The following COL22A1 variants were observed in gnomAD, a reference collection of about 807,000 sequenced individuals.
The protein encoded by COL22A1 is collagen type XXII alpha 1 chain, also known as collagen alpha-1(XXII) chain.
In COL22A1, 221 loss-of-function variants were observed where a neutral mutation model predicts 248.9. That is an observed-to-expected ratio of 0.89 (90% confidence interval 0.80 to 0.99). COL22A1 has a LOEUF of 0.99. COL22A1 is among the 50% of genes least tolerant of loss of function. The pLI, the probability that COL22A1 is intolerant of heterozygous loss-of-function variation, is 0.00. For missense variants in COL22A1, 2,240 were observed against 2,179.0 expected, an observed-to-expected ratio of 1.03 and a Z score of -0.56; for synonymous variants, 891 against 793.4, an observed-to-expected ratio of 1.12 and a Z score of -2.07.
chr8:138,831,151 C>G (rs1294576391), intron 5 of COL22A1, among the ~76,000 whole-genome samples: 1 of 152,124 alleles, frequency 6.6e-6, no homozygotes, highest in Non-Finnish European at 1.5e-5. Context: ...TGACACAGTG[C>G]CTGGTGTGTG....
intron 7 of COL22A1, among the ~76,000 whole-genome samples, chr8:138,815,407 G>A (rs937578312): frequency 7.9e-5 from 12 of 152,160 alleles, no homozygotes; most frequent in Admixed American, 5.2e-4. Context: ...CAGAGCTGTC[G>A]ACAATCTCTC....
At chr8:138,634,972 A>C in intron 49 of COL22A1, 38 bp downstream of exon 49, 2 of 1,387,020 alleles carry the variant, frequency 1.4e-6, no homozygotes, top group Non-Finnish European at 2.1e-6. Context: ...TTCAAATGTC[A>C]AGGCCGAAAG....
intron 41 of COL22A1, among the ~76,000 whole-genome samples, chr8:138,665,388 A>G (rs921953821): frequency 6.6e-6 from 1 of 152,242 alleles, no homozygotes; most frequent in Non-Finnish European, 1.5e-5. Flanking sequence ...GACAGATAGT[A>G]AAGTGAAGGG....
intron 3 of COL22A1, among the ~76,000 whole-genome samples, chr8:138,862,043 A>AAG (rs1301062212): frequency 4.7e-5 from 7 of 148,978 alleles, no homozygotes; most frequent in East Asian, 2.0e-4. Flanking sequence ...AAAAAAAAAA[A>AAG]AAAAGAAAAA....
intron 6 of COL22A1, among the ~76,000 whole-genome samples, chr8:138,826,220 A>C (rs900254408): frequency 2.6e-5 from 4 of 152,166 alleles, no homozygotes; most frequent in Admixed American, 6.5e-5. Context: ...ACTCAGAAAG[A>C]TAAAGTAACC....
At chr8:138,900,067 A>G (rs1395580383) in intron 1 of COL22A1, among the ~76,000 whole-genome samples, 2 of 152,114 alleles carry the variant, frequency 1.3e-5, no homozygotes, top group Non-Finnish European at 2.9e-5. Flanking sequence ...CTAGCAAAAC[A>G]TTTATTACAG....
At position 138,613,870 on chromosome 8, in the gene COL22A1, T is replaced by C. The variant is rs780060014; in HGVS notation, c.3975A>G (p.Pro1325=). ...TTAGTCGCAAAGCAAAACTCACCGG[T>C]GGGCCCCTTGGTCCTTGGGGACCCT... The part of the protein sequence containing the change: ...GPQGPQGPRG[P]PGKNGSPGSP... The change falls in exon 56 of 65, where the codon CCA becomes CCG. Residue 1325 remains proline, a synonymous_variant. Coordinates refer to ENST00000303045, the MANE Select transcript of COL22A1 (RefSeq NM_152888.3). 1 of 1,613,820 alleles carries C rather than the reference T, an allele frequency of 6.2e-7. No individual in the cohort carries two copies. The highest frequency in any genetic ancestry group is 1.7e-5 in the Admixed American group (1 of 60,026).
intron 11 of COL22A1, among the ~76,000 whole-genome samples, chr8:138,800,057 A>C (rs533846004): frequency 6.6e-6 from 1 of 152,254 alleles, no homozygotes; most frequent in African/African-American, 2.4e-5. Flanking sequence ...TTCGTTCCTA[A>C]GGATTGTACC....
intron 41 of COL22A1, 21 bp downstream of exon 41, chr8:138,676,537 G>A: frequency 6.5e-7 from 1 of 1,536,396 alleles, no homozygotes; most frequent in South Asian, 1.2e-5. Flanking sequence ...GCAAGTAAGA[G>A]CTGGATAAAT....
chr8:138,596,297 A>G (rs893660643), intron 62 of COL22A1, among the ~76,000 whole-genome samples: 4 of 152,208 alleles, frequency 2.6e-5, no homozygotes, highest in African/African-American at 7.2e-5. Context: ...CCTTGAAAGC[A>G]CTAGGCCTGC....
chr8:138,705,755 T>A (rs1052612153), intron 30 of COL22A1, among the ~76,000 whole-genome samples: 12 of 152,176 alleles, frequency 7.9e-5, no homozygotes, highest in Non-Finnish European at 1.5e-4. Flanking sequence ...AACATCATAA[T>A]GACAGGATCA....
chr8:138,762,761 G>A (rs896410615), intron 16 of COL22A1, among the ~76,000 whole-genome samples: 2 of 97,656 alleles, frequency 2.0e-5, no homozygotes, highest in Non-Finnish European at 4.9e-5. Context: ...TTCATCTCAC[G>A]GTTCATGGGG....
At chr8:138,751,572 G>T in intron 21 of COL22A1, 61 bp from the exon 22 acceptor site, 1 of 1,214,708 alleles carries the variant, frequency 8.2e-7, no homozygotes, top group Non-Finnish European at 1.2e-6. Context: ...AGGGCTCAAT[G>T]GCATAGCTTA....
chr8:138,679,562 C>G, intron 40 of COL22A1, 55 bp downstream of exon 40: 2 of 1,481,188 alleles, frequency 1.4e-6, no homozygotes, highest in East Asian at 4.5e-5. Flanking sequence ...AAAGCTGCCT[C>G]TGCCTGTCTT....
chr8:138,630,876 G>A, intron 49 of COL22A1, 128 bp from the exon 50 acceptor site: 2 of 833,672 alleles, frequency 2.4e-6, no homozygotes, highest in South Asian at 1.4e-5. Context: ...ATGTTGAAAT[G>A]TGATTCCCAA....
intron 13 of COL22A1, among the ~76,000 whole-genome samples, chr8:138,780,065 C>G (rs16909606): frequency 0.024 from 3,700 of 152,276 alleles, 82 homozygotes; most frequent in African/African-American, 0.055. Flanking sequence ...CCTGGCAACA[C>G]AGTATTAGCT....
chr8:138,684,488 C>T lies in COL22A1; in HGVS notation c.2968-19G>A, dbSNP rs1208081171. The T allele has an allele frequency of 6.3e-7, 1 of 1,590,238 alleles. No homozygotes were observed. The highest frequency in any genetic ancestry group is 8.6e-7 in the Non-Finnish European group (1 of 1,158,480). On this transcript the variant is annotated intron_variant, in intron 38 of 64. Coordinates refer to ENST00000303045, the MANE Select transcript of COL22A1 (RefSeq NM_152888.3). ...GGAGTCCCTGGAGAAATAAATAATACAAGGACAATCATGGAGCTGAGAGTG... is the reference window on the plus strand; with the variant it reads ...GGAGTCCCTGGAGAAATAAATAATATAAGGACAATCATGGAGCTGAGAGTG...
chr8:138,796,831 T>G lies in COL22A1; in HGVS notation c.1584A>C (p.Glu528Asp), dbSNP rs139237251. The G allele has an allele frequency of 7.2e-4, 1,152 of 1,601,928 alleles. 13 individuals carry two copies. In the African/African-American group the frequency reaches 0.012, roughly 17 times the overall value. The stretch of plus-strand genomic sequence containing the variant: ...GGAAGATGCTTACCTTTTCACCCTT[T>G]TCCCCTTGGCCAAAAGGTCCTATGC... ...DVGIGPFGQG[E>D]KGEKGSLGLP... The change falls in exon 12 of 65, where the codon GAA (glutamate) becomes GAC (aspartate). Residue 528 changes from glutamate to aspartate, a missense_variant. By Grantham distance (45) the Glu-to-Asp change is conservative (BLOSUM62 2). Coordinates refer to ENST00000303045, the MANE Select transcript of COL22A1 (RefSeq NM_152888.3).
intron 51 of COL22A1, among the ~76,000 whole-genome samples, chr8:138,624,081 A>G (rs2131961056): frequency 6.6e-6 from 1 of 152,202 alleles, no homozygotes; most frequent in East Asian, 1.9e-4. Context: ...TCTCCTGGGC[A>G]TTTTCGTGAA....
Sources: allele counts gnomAD v4.1 joint callset (sites outside exome capture counted in the v4.1 genomes callset), GRCh38; gene constraint gnomAD v4.1.1; transcripts MANE v1.5; gene names NCBI Gene and HGNC (gene_info 2026-07-23, HGNC 2026-07-21).